The following ARID2 variants were observed in gnomAD, a reference collection of about 807,000 sequenced individuals.
The protein encoded by ARID2 is AT-rich interaction domain 2.
Under a neutral mutation model 184.6 loss-of-function variants are expected in ARID2, and 32 were observed. That is an observed-to-expected ratio of 0.17 (90% CI 0.13 to 0.23). ARID2 has a LOEUF of 0.23. Ranked by LOEUF, ARID2 falls within the 10% of genes least tolerant of loss-of-function variation. The probability of loss-of-function intolerance (pLI) is 1.00; values close to 1 mark genes in which losing one functional copy is unlikely to be tolerated. For missense variants in ARID2, 1,696 were observed against 2,197.6 expected (o/e 0.77, Z 4.56); for synonymous variants, 836 against 772.6 (o/e 1.08, Z -1.36).
At chr12:45,772,249 A>G (rs1941892358) in intron 3 of ARID2, among the ~76,000 whole-genome samples, 2 of 152,264 alleles carry the variant, frequency 1.3e-5, no homozygotes, top group African/African-American at 4.8e-5. Flanking sequence ...GTCAAAATCT[A>G]GTTATATCAA....
At chr12:45,861,329 A>T (rs188329448) in intron 16 of ARID2, among the ~76,000 whole-genome samples, 878 of 152,252 alleles carry the variant, frequency 5.8e-3, no homozygotes, top group Non-Finnish European at 8.8e-3. Flanking sequence ...CTTAGAAGTA[A>T]TAATGTGCTA....
intron 3 of ARID2, among the ~76,000 whole-genome samples, chr12:45,732,003 C>T (rs1049711847): frequency 6.6e-6 from 1 of 151,098 alleles, no homozygotes; most frequent in Non-Finnish European, 1.5e-5. Flanking sequence ...ACTGCTTATT[C>T]GGCAAAGTTT....
intron 3 of ARID2, among the ~76,000 whole-genome samples, chr12:45,809,971 C>T (rs1037455211): frequency 1.3e-5 from 2 of 152,168 alleles, no homozygotes. Flanking sequence ...TTGATACCCA[C>T]CTCCCTTACC....
chr12:45,852,704 C>T lies in ARID2; in HGVS notation c.4581C>T (p.Val1527=), dbSNP rs373420723. ...RPAEDTDRET[V]AGIPNKVGVR... ...CAGAGGATACTGATAGGGAAACAGTCGCAGGAATTCCAAATAAAGTAGGAG... is the reference window on the plus strand; with the variant it reads ...CAGAGGATACTGATAGGGAAACAGTTGCAGGAATTCCAAATAAAGTAGGAG... The change falls in exon 15 of 21, where the codon GTC becomes GTT. Residue 1527 remains valine, a synonymous_variant. Transcript: ENST00000334344. The T allele has an allele frequency of 1.5e-5, 24 of 1,613,970 alleles. 1 individual carries two copies. Among genetic ancestry groups the T allele is most frequent in the Admixed American group, 1.3e-4 (8 of 59,988 alleles).
chr12:45,752,332 A>T (rs1311888162), intron 3 of ARID2, among the ~76,000 whole-genome samples: 1 of 152,192 alleles, frequency 6.6e-6, no homozygotes, highest in African/African-American at 2.4e-5. Flanking sequence ...TAGCTCCTTA[A>T]AAACAGGAAC....
intron 16 of ARID2, among the ~76,000 whole-genome samples, chr12:45,879,922 C>G (rs1340455370): frequency 2.6e-5 from 4 of 152,122 alleles, no homozygotes; most frequent in South Asian, 2.1e-4. Context: ...GAGAAAAGGA[C>G]TTGATGCCTT....
chr12:45,817,630 T>G (rs749781640), intron 4 of ARID2, 40 bp from the exon 5 acceptor site: 6 of 1,470,088 alleles, frequency 4.1e-6, no homozygotes, highest in Non-Finnish European at 5.6e-6. Context: ...TAAAGGTATC[T>G]GATCTTTGAT....
In ARID2 at chr12:45,906,136, T is replaced by C. The variant is rs1046904336; in HGVS notation, c.*1058T>C. The C allele has an allele frequency of 2.1e-5, 5 of 232,678 alleles. No individual in the cohort carries two copies. The highest frequency in any genetic ancestry group is 3.4e-5 in the Non-Finnish European group (4 of 117,566). 14.4% of individuals were successfully genotyped at this position (232,678 alleles called of 1,614,324 possible). A position where few individuals can be genotyped will look rare whatever the true frequency, so the allele number is the denominator to read the frequency against. On this transcript the variant is annotated 3_prime_UTR_variant, in exon 21 of 21. Coordinates refer to ENST00000334344, the MANE Select transcript of ARID2 (RefSeq NM_152641.4). ...CTCAGAGCTTGGACAGAATTTTTTGTATTTGTAAATTGGTTTAAATACATG... is the reference window on the plus strand; with the variant it reads ...CTCAGAGCTTGGACAGAATTTTTTGCATTTGTAAATTGGTTTAAATACATG...
At chr12:45,896,952 A>G (rs1254862581) in intron 20 of ARID2, among the ~76,000 whole-genome samples, 1 of 152,258 alleles carries the variant, frequency 6.6e-6, no homozygotes, top group Admixed American at 6.5e-5. Context: ...ACTAGAATTC[A>G]TACGTAATCT....
rs147652156 is a variant in ARID2 at position 45,742,806 on chromosome 12, C to G, written c.284+11492C>G. On this transcript the variant is annotated intron_variant, in intron 3 of 20. Transcript: ENST00000334344. ...GATTGTTGCAGCTGTGTCTTTAGAG[C>G]TAGTTACTAAAGTGGGGATTGAAGC... 3.3e-3 allele frequency among the ~76,000 whole-genome samples: 502 copies of G among 152,160 alleles called. 2 individuals are homozygous for G. The highest frequency in any genetic ancestry group is 0.012 in the African/African-American group (488 of 41,498).
chr12:45,862,763 A>T (rs896630173), intron 16 of ARID2, among the ~76,000 whole-genome samples: 1 of 152,214 alleles, frequency 6.6e-6, no homozygotes, highest in African/African-American at 2.4e-5. Flanking sequence ...CGGAAGAGTT[A>T]ATGAACCTAG....
At chr12:45,844,020 C>T (rs1219719458) in intron 11 of ARID2, among the ~76,000 whole-genome samples, 3 of 152,108 alleles carry the variant, frequency 2.0e-5, no homozygotes, top group African/African-American at 7.2e-5. Context: ...ACCTTCTATA[C>T]TTTTTCTTTC....
chr12:45,770,109 C>T (rs924574546), intron 3 of ARID2, among the ~76,000 whole-genome samples: 6 of 151,814 alleles, frequency 4.0e-5, no homozygotes, highest in South Asian at 2.1e-4. Flanking sequence ...AAAAAGTAGC[C>T]GGGAGTGGTG....
intron 15 of ARID2, among the ~76,000 whole-genome samples, chr12:45,856,122 T>C (rs1943645084): frequency 7.1e-6 from 1 of 140,704 alleles, no homozygotes; most frequent in Non-Finnish European, 1.5e-5. Context: ...TTGCGTAGGC[T>C]GGAGTGCGGT....
chr12:45,898,190 TATATG>T (rs1428163629), intron 20 of ARID2, among the ~76,000 whole-genome samples: 4 of 152,026 alleles, frequency 2.6e-5, no homozygotes, highest in Non-Finnish European at 4.4e-5. Flanking sequence ...AAAGGACAAA[TATATG>T]GTATGATTTC....
intron 5 of ARID2, among the ~76,000 whole-genome samples, chr12:45,818,649 A>G (rs1000833386): frequency 6.6e-6 from 1 of 152,144 alleles, no homozygotes; most frequent in Non-Finnish European, 1.5e-5. Flanking sequence ...CTTTTAGGAA[A>G]TTATATATAT....
At chr12:45,730,822 C>A (rs1285162282) in intron 2 of ARID2, among the ~76,000 whole-genome samples, 2 of 151,468 alleles carry the variant, frequency 1.3e-5, no homozygotes, top group African/African-American at 4.9e-5. Flanking sequence ...GCCCCGGCCC[C>A]CCCCCCAACC....
At chr12:45,835,793 G>A (rs1439317920) in intron 6 of ARID2, among the ~76,000 whole-genome samples, 11 of 151,990 alleles carry the variant, frequency 7.2e-5, no homozygotes, top group Non-Finnish European at 1.5e-4. Context: ...CCAGCTACTC[G>A]GGAGGCTGAG....
At chr12:45,828,360 A>T (rs1364771546) in intron 6 of ARID2, among the ~76,000 whole-genome samples, 1 of 152,104 alleles carries the variant, frequency 6.6e-6, no homozygotes, top group African/African-American at 2.4e-5. Flanking sequence ...AATTTGTTCT[A>T]CTGTAAAAAG....
Sources: allele counts gnomAD v4.1 joint callset (sites outside exome capture counted in the v4.1 genomes callset), GRCh38; gene constraint gnomAD v4.1.1; transcripts MANE v1.5; gene names NCBI Gene and HGNC (gene_info 2026-07-23, HGNC 2026-07-21).